The following ALK variants were observed in gnomAD, a reference collection of about 807,000 sequenced individuals.
The protein encoded by ALK is ALK receptor tyrosine kinase.
In ALK, 74 loss-of-function variants were observed where a neutral mutation model predicts 163.1. That is an observed-to-expected ratio of 0.45 (90% CI 0.38 to 0.55). ALK has a LOEUF of 0.55. Ranked by LOEUF, ALK falls within the 20% of genes least tolerant of loss-of-function variation. The probability of loss-of-function intolerance (pLI) is 0.00; values close to 1 mark genes in which losing one functional copy is unlikely to be tolerated. For synonymous variants in ALK, 960 were observed against 843.2 expected (o/e 1.14, Z -2.40); for missense variants, 2,063 against 2,105.3 (o/e 0.98, Z 0.39).
At chr2:29,717,174 A>AAAC (rs2148306789) in intron 2 of ALK, among the ~76,000 whole-genome samples, 2 of 145,964 alleles carry the variant, frequency 1.4e-5, no homozygotes, top group South Asian at 4.3e-4. Context: ...TCTGTCTCAA[A>AAAC]AAAAAAAAAA....
intron 4 of ALK, among the ~76,000 whole-genome samples, chr2:29,446,822 A>G (rs1670696935): frequency 6.6e-6 from 1 of 152,230 alleles, no homozygotes; most frequent in East Asian, 1.9e-4. Context: ...CTTCACAAGA[A>G]TCAGGAAGAA....
At chr2:29,562,474 G>T (rs779811943) in intron 3 of ALK, among the ~76,000 whole-genome samples, 10 of 152,128 alleles carry the variant, frequency 6.6e-5, no homozygotes, top group Non-Finnish European at 1.3e-4. Context: ...TCTCTAAGCT[G>T]GGAAACTTCC....
At chr2:29,764,538 A>C (rs897247424) in intron 1 of ALK, among the ~76,000 whole-genome samples, 2 of 152,180 alleles carry the variant, frequency 1.3e-5, no homozygotes, top group African/African-American at 4.8e-5. Context: ...AAACATTCTT[A>C]GAGCACACAC....
intron 26 of ALK, among the ~76,000 whole-genome samples, chr2:29,202,635 A>G (rs558642874): frequency 1.3e-5 from 2 of 152,394 alleles, no homozygotes; most frequent in South Asian, 4.1e-4. Flanking sequence ...TTATACATAA[A>G]TGATATCCTA....
At chr2:29,370,464 C>T (rs1668612388) in intron 5 of ALK, among the ~76,000 whole-genome samples, 1 of 152,200 alleles carries the variant, frequency 6.6e-6, no homozygotes, top group Admixed American at 6.5e-5. Flanking sequence ...GGCTGCCCGT[C>T]CCTGTAGCAA....
chr2:29,575,357 A>G (rs1361181320), intron 3 of ALK, among the ~76,000 whole-genome samples: 13 of 152,174 alleles, frequency 8.5e-5, no homozygotes, highest in African/African-American at 3.1e-4. Flanking sequence ...ACCAGGTTTC[A>G]TCTGTTTTTA....
At position 29,454,168 on chromosome 2, in the gene ALK, G is replaced by A. The variant is rs184462698; in HGVS notation, c.1155-70309C>T. Among the ~76,000 whole-genome samples the A allele has an allele frequency of 1.5e-3, 231 of 152,220 alleles. 2 individuals carry two copies. Among genetic ancestry groups the A allele is most frequent in the Non-Finnish European group, 1.7e-3 (118 of 68,000 alleles). On this transcript the variant is annotated intron_variant, in intron 4 of 28. Transcript: ENST00000389048. ...AGTAAAATAGGGCCCATTCTTGGAT[G>A]ACCTATAGAATTGAATTTATTTTCA... is the stretch of plus-strand genomic sequence containing the variant.
At chr2:29,230,293 T>C (rs1446442228) in intron 15 of ALK, among the ~76,000 whole-genome samples, 1 of 151,938 alleles carries the variant, frequency 6.6e-6, no homozygotes, top group Non-Finnish European at 1.5e-5. Flanking sequence ...AATCATCTTT[T>C]TTTTTTTTTT....
chr2:29,595,482 G>A (rs1282363561), intron 3 of ALK, among the ~76,000 whole-genome samples: 9 of 152,002 alleles, frequency 5.9e-5, no homozygotes, highest in Admixed American at 3.3e-4. Flanking sequence ...CACCACGCCC[G>A]GCTAATTTTT....
rs544515373 is a variant in ALK at position 29,725,476 on chromosome 2, T to C, written c.668-7779A>G. ...AGCAGTTGAGCTGGGATTCGGGTTG[T>C]GCCAGAACAAAACCTGAACTTGGGC... On this transcript the variant is annotated intron_variant, in intron 1 of 28. Coordinates refer to ENST00000389048, the MANE Select transcript of ALK (RefSeq NM_004304.5). Among the ~76,000 whole-genome samples, 97 of 152,252 alleles carry C rather than the reference T, an allele frequency of 6.4e-4. 1 individual carries two copies. In the Middle Eastern group the frequency reaches 0.031, roughly 48 times the overall value.
chr2:29,857,544 A>C (rs936650564), intron 1 of ALK, among the ~76,000 whole-genome samples: 1 of 152,186 alleles, frequency 6.6e-6, no homozygotes, highest in Non-Finnish European at 1.5e-5. Flanking sequence ...CAGTTTAAAC[A>C]ATCAAAGGAG....
chr2:29,606,817 G>C (rs1454982134), intron 3 of ALK, among the ~76,000 whole-genome samples: 1 of 152,146 alleles, frequency 6.6e-6, no homozygotes, highest in Non-Finnish European at 1.5e-5. Context: ...GCCAACCCCT[G>C]ATCTTGTTCA....
At chr2:29,430,128 C>T (rs1384668721) in intron 4 of ALK, among the ~76,000 whole-genome samples, 1 of 152,010 alleles carries the variant, frequency 6.6e-6, no homozygotes, top group African/African-American at 2.4e-5. Flanking sequence ...ATCTTTATGA[C>T]CTCAAATTTG....
At chr2:29,694,091 G>A (rs1387836266) in intron 3 of ALK, among the ~76,000 whole-genome samples, 1 of 152,198 alleles carries the variant, frequency 6.6e-6, no homozygotes, top group Non-Finnish European at 1.5e-5. Context: ...GACATTGGGA[G>A]TCCCAAGATT....
intron 1 of ALK, among the ~76,000 whole-genome samples, chr2:29,746,608 T>G (rs1680213458): frequency 6.6e-6 from 1 of 152,184 alleles, no homozygotes; most frequent in Non-Finnish European, 1.5e-5. Context: ...GCATTTCCCT[T>G]AGTTGTGGGT....
intron 4 of ALK, among the ~76,000 whole-genome samples, chr2:29,420,281 G>T (rs1464253031): frequency 6.6e-6 from 1 of 151,414 alleles, no homozygotes; most frequent in Non-Finnish European, 1.5e-5. Flanking sequence ...GTTATGTAGG[G>T]ACTAAAGCTA....
intron 1 of ALK, among the ~76,000 whole-genome samples, chr2:29,841,422 A>G (rs574935863): frequency 1.3e-5 from 2 of 152,376 alleles, no homozygotes; most frequent in East Asian, 1.9e-4. Context: ...AACTGCTTCT[A>G]TTGCATTCAT....
At chr2:29,594,265 T>A (rs1422625178) in intron 3 of ALK, among the ~76,000 whole-genome samples, 2 of 152,174 alleles carry the variant, frequency 1.3e-5, no homozygotes, top group Non-Finnish European at 2.9e-5. Flanking sequence ...GGTATTTACA[T>A]GCATATTGTG....
At chr2:29,578,753 T>C (rs1345754164) in intron 3 of ALK, among the ~76,000 whole-genome samples, 1 of 152,210 alleles carries the variant, frequency 6.6e-6, no homozygotes, top group Non-Finnish European at 1.5e-5. Flanking sequence ...TGATTTCATG[T>C]CCACGTTTCA....
Sources: allele counts gnomAD v4.1 joint callset (sites outside exome capture counted in the v4.1 genomes callset), GRCh38; gene constraint gnomAD v4.1.1; transcripts MANE v1.5; gene names NCBI Gene and HGNC (gene_info 2026-07-23, HGNC 2026-07-21).